Variants in RIPOR3 observed in about 807,000 individuals in gnomAD.
RIPOR3 encodes RIPOR family member 3.
Under a neutral mutation model 114.3 loss-of-function variants are expected in RIPOR3, and 95 were observed. The observed-to-expected ratio is 0.83, with a 90% CI of 0.70 to 0.99. RIPOR3 has a LOEUF of 0.99. Among genes scored for constraint, RIPOR3 ranks in the 50% least tolerant of loss-of-function variants. The pLI, the probability that RIPOR3 is intolerant of heterozygous loss-of-function variation, is 0.00. For missense variants in RIPOR3, 1,252 were observed against 1,266.9 expected (o/e 0.99, Z 0.18); for synonymous variants, 575 against 543.8 (o/e 1.06, Z -0.80).
intron 1 of RIPOR3, among the ~76,000 whole-genome samples, chr20:50,683,543 C>T (rs1418445909): frequency 6.6e-6 from 1 of 151,552 alleles, no homozygotes; most frequent in Non-Finnish European, 1.5e-5. Flanking sequence ...ACCTCCAGCT[C>T]CTGGGTTCAA....
At chr20:50,666,184 T>G in intron 1 of RIPOR3, among the ~76,000 whole-genome samples, 1 of 61,092 alleles carries the variant, frequency 1.6e-5, no homozygotes, top group East Asian at 3.7e-4. Context: ...AGGACACCCA[T>G]TTCTTTTCTT....
At chr20:50,673,355 C>T (rs528143735) in intron 1 of RIPOR3, among the ~76,000 whole-genome samples, 9 of 152,234 alleles carry the variant, frequency 5.9e-5, no homozygotes, top group African/African-American at 2.2e-4. Context: ...AGGATTTGAA[C>T]CCAGGCAGCC....
chr20:50,633,788 A>G (rs2123272861), intron 1 of RIPOR3, among the ~76,000 whole-genome samples: 1 of 152,242 alleles, frequency 6.6e-6, no homozygotes, highest in East Asian at 1.9e-4. Flanking sequence ...TGTGAGAGAG[A>G]GGACGACGAA....
chr20:50,625,598 T>C (rs1313945515), intron 2 of RIPOR3, among the ~76,000 whole-genome samples: 1 of 152,108 alleles, frequency 6.6e-6, no homozygotes, highest in Non-Finnish European at 1.5e-5. Context: ...CACCCACACT[T>C]CTTAGCCATC....
intron 1 of RIPOR3, among the ~76,000 whole-genome samples, chr20:50,661,283 C>T (rs2085988137): frequency 6.6e-6 from 1 of 151,992 alleles, no homozygotes; most frequent in Non-Finnish European, 1.5e-5. Flanking sequence ...CTATGTTGCC[C>T]AGGCCAGTCT....
At chr20:50,622,233 G>A (rs1215675715) in intron 2 of RIPOR3, among the ~76,000 whole-genome samples, 1 of 150,428 alleles carries the variant, frequency 6.6e-6, no homozygotes, top group Admixed American at 6.7e-5. Context: ...CCAGCCTGGA[G>A]TGCAATGGTG....
At chr20:50,644,647 C>T (rs1187545304) in intron 1 of RIPOR3, among the ~76,000 whole-genome samples, 7 of 138,364 alleles carry the variant, frequency 5.1e-5, no homozygotes, top group Non-Finnish European at 1.1e-4. Flanking sequence ...CCATGACCGG[C>T]TAATTTCTGT....
At chr20:50,673,798 C>T (rs780964052) in intron 1 of RIPOR3, among the ~76,000 whole-genome samples, 50 of 152,228 alleles carry the variant, frequency 3.3e-4, no homozygotes, top group Non-Finnish European at 6.6e-4. Context: ...TCGCCAGGCC[C>T]GGCCTGGGAA....
chr20:50,611,226 C>G (rs200507490), intron 4 of RIPOR3, 22 bp from the exon 5 acceptor site: 2 of 1,614,046 alleles, frequency 1.2e-6, no homozygotes, highest in Non-Finnish European at 1.7e-6. Flanking sequence ...GAAAGGAGGG[C>G]GGAAGAAGCT....
rs138337864 is a variant in RIPOR3 at position 50,689,602 on chromosome 20, C to T, written c.3+1524G>A. 7.3e-3 allele frequency among the ~76,000 whole-genome samples: 1,112 copies of T among 152,266 alleles called. 13 individuals carry two copies. Among genetic ancestry groups the T allele is most frequent in the African/African-American group, 0.026 (1,063 of 41,550 alleles). On this transcript the variant is annotated intron_variant, in intron 1 of 21. Coordinates refer to ENST00000327979, the MANE Select transcript of RIPOR3 (RefSeq NM_001290268.2). ...GGTTGCGGAGAGATTTTAGAGGTTT[C>T]CTGAAATAGTCCCTTTGTTTTAAAG...
In RIPOR3 at chr20:50,616,047, G is replaced by T. The variant is rs756170191; in HGVS notation, c.303C>A (p.Asp101Glu). The T allele has an allele frequency of 6.2e-7, 1 of 1,611,860 alleles. No homozygotes were observed. The highest frequency in any genetic ancestry group is 8.5e-7 in the Non-Finnish European group (1 of 1,179,250). The change falls in exon 4 of 22, where the codon GAC becomes GAA. Residue 101 changes from aspartate to glutamate, a missense_variant. Transcript: ENST00000327979. ...EYLCVQQAELDHLSGRHKDTR... is the reference protein window; with the variant it reads ...EYLCVQQAELEHLSGRHKDTR... The stretch of plus-strand genomic sequence containing the variant: ...TGTCTTTGTGGCGTCCAGACAGGTG[G>T]TCCAGCTCAGCCTGCTGCACACACA...
intron 11 of RIPOR3, among the ~76,000 whole-genome samples, chr20:50,605,581 T>A (rs909235745): frequency 1.3e-5 from 2 of 150,460 alleles, no homozygotes; most frequent in Admixed American, 6.6e-5. Flanking sequence ...CCAGCCTCCA[T>A]AACCTGGCAA....
At chr20:50,687,394 G>A (rs1353091499) in intron 1 of RIPOR3, among the ~76,000 whole-genome samples, 1 of 152,248 alleles carries the variant, frequency 6.6e-6, no homozygotes, top group Non-Finnish European at 1.5e-5. Context: ...CATGCCTGGG[G>A]TCTGAATTCC....
At chr20:50,610,141 G>GCCTCACCTGCCACCCCT (rs1258394864) in intron 6 of RIPOR3, among the ~76,000 whole-genome samples, 10 of 102,948 alleles carry the variant, frequency 9.7e-5, no homozygotes, top group African/African-American at 4.3e-4. Context: ...CTGCCACCCC[G>GCCTCACCTGCCACCCCT]GCCTCACCTG....
intron 1 of RIPOR3, among the ~76,000 whole-genome samples, chr20:50,643,917 G>T (rs1388406811): frequency 1.3e-5 from 2 of 151,918 alleles, no homozygotes; most frequent in Non-Finnish European, 2.9e-5. Context: ...GTTTCACCGT[G>T]TTAGCCAGGA....
At chr20:50,592,816 C>T (rs146453355) in intron 18 of RIPOR3, among the ~76,000 whole-genome samples, 2 of 152,340 alleles carry the variant, frequency 1.3e-5, no homozygotes, top group East Asian at 3.9e-4. Flanking sequence ...CACCCTCCTA[C>T]CCAGCTCTGA....
At position 50,666,262 on chromosome 20, in the gene RIPOR3, G is replaced by A. The variant is rs540892947; in HGVS notation, c.3+24864C>T. On this transcript the variant is annotated intron_variant, in intron 1 of 21. Transcript: ENST00000327979. Reference sequence around the variant, plus strand: ...GTCACGCTCTGTTGCCCAGAGTCACGCTCTGTTGCTGGAGTGCAGTGGCGC... The same window carrying A: ...GTCACGCTCTGTTGCCCAGAGTCACACTCTGTTGCTGGAGTGCAGTGGCGC... Among the ~76,000 whole-genome samples the A allele has an allele frequency of 6.3e-4, 47 of 74,582 alleles. 1 individual carries two copies. In the South Asian group the frequency reaches 0.021, roughly 34 times the overall value. 48.9% of individuals were successfully genotyped at this position (74,582 alleles called of 152,430 possible).
intron 1 of RIPOR3, among the ~76,000 whole-genome samples, chr20:50,655,052 C>A (rs967781408): frequency 2.0e-5 from 3 of 152,222 alleles, no homozygotes; most frequent in Admixed American, 6.5e-5. Context: ...CCCGGCCAAC[C>A]ATTGTTGAGT....
rs2122992847 is a variant in RIPOR3 at position 50,602,726 on chromosome 20, C to T, written c.1087-82G>A. On this transcript the variant is annotated intron_variant, in intron 12 of 21. Coordinates refer to ENST00000327979, the MANE Select transcript of RIPOR3 (RefSeq NM_001290268.2). The surrounding 1 kb of genome is among the most constrained non-coding windows in gnomAD (Gnocchi z 4.3). Reference sequence around the variant, plus strand: ...CCCCAGAGGGGCTTCCCCTGACAGACACCCGCTGTGCATGCCCATGTTCTC... The same window carrying T: ...CCCCAGAGGGGCTTCCCCTGACAGATACCCGCTGTGCATGCCCATGTTCTC... 4 of 1,085,562 alleles carry T rather than the reference C, an allele frequency of 3.7e-6. No individual in the cohort carries two copies. The highest frequency in any genetic ancestry group is 4.9e-6 in the Non-Finnish European group (4 of 810,630). The allele number at this position is 1,085,562 out of a possible 1,614,324, so 67.2% of individuals were successfully genotyped here. A position where few individuals can be genotyped will look rare whatever the true frequency, so the allele number is the denominator to read the frequency against.
Sources: allele counts gnomAD v4.1 joint callset (sites outside exome capture counted in the v4.1 genomes callset), GRCh38; gene constraint gnomAD v4.1.1; non-coding constraint Gnocchi (gnomAD v3.1); transcripts MANE v1.5; gene names NCBI Gene and HGNC (gene_info 2026-07-23, HGNC 2026-07-21).